Variants in SEMA5A observed in about 807,000 individuals in gnomAD.
SEMA5A encodes the protein semaphorin-5A.
SEMA5A carries 55 observed loss-of-function variants against 135.5 expected under a neutral mutation model. That is an observed-to-expected ratio of 0.41 (90% CI 0.33 to 0.51). The LOEUF is 0.51. Among genes scored for constraint, SEMA5A ranks in the 20% least tolerant of loss-of-function variants. SEMA5A has a pLI of 0.37. For missense variants in SEMA5A, 1,290 were observed against 1,419.9 expected (o/e 0.91, Z 1.47); for synonymous variants, 580 against 546.5 (o/e 1.06, Z -0.85).
At chr5:9,353,377 GGAAAGGAAA>G (rs1211217285) in intron 3 of SEMA5A, among the ~76,000 whole-genome samples, 4 of 149,108 alleles carry the variant, frequency 2.7e-5, no homozygotes, top group African/African-American at 5.0e-5. Context: ...GGAAAGGAAA[GGAAAGGAAA>G]GGAAAGGAAG....
At chr5:9,432,947 G>T (rs889888838) in intron 2 of SEMA5A, among the ~76,000 whole-genome samples, 3 of 152,090 alleles carry the variant, frequency 2.0e-5, no homozygotes, top group South Asian at 2.1e-4. Flanking sequence ...ATAGTCATAG[G>T]TTATATAAAA....
intron 3 of SEMA5A, among the ~76,000 whole-genome samples, chr5:9,347,917 G>A (rs998857656): frequency 2.0e-5 from 3 of 152,202 alleles, no homozygotes; most frequent in Non-Finnish European, 4.4e-5. Flanking sequence ...CAATTGAAAT[G>A]CACTACCTTT....
At chr5:9,469,030 A>G (rs1213106972) in intron 1 of SEMA5A, among the ~76,000 whole-genome samples, 1 of 152,004 alleles carries the variant, frequency 6.6e-6, no homozygotes, top group Non-Finnish European at 1.5e-5. Flanking sequence ...TGTTTTTGAG[A>G]TGAAGTCTCT....
At chr5:9,356,365 C>T (rs1243959057) in intron 3 of SEMA5A, among the ~76,000 whole-genome samples, 1 of 152,166 alleles carries the variant, frequency 6.6e-6, no homozygotes, top group East Asian at 1.9e-4. Context: ...TTCTGCCTGT[C>T]TGTGCCTCAG....
chr5:9,482,361 A>G (rs1759910432), intron 1 of SEMA5A, among the ~76,000 whole-genome samples: 1 of 152,234 alleles, frequency 6.6e-6, no homozygotes, highest in Non-Finnish European at 1.5e-5. Context: ...AGCAGCTTAC[A>G]GGAATGGAAC....
chr5:9,265,189 G>C (rs1355852770), intron 5 of SEMA5A, among the ~76,000 whole-genome samples: 3 of 152,094 alleles, frequency 2.0e-5, no homozygotes, highest in African/African-American at 7.2e-5. Flanking sequence ...GTAAAATTCA[G>C]CTCCACGGTC....
At chr5:9,227,553 T>TTA (rs1747381581) in intron 6 of SEMA5A, among the ~76,000 whole-genome samples, 1 of 150,204 alleles carries the variant, frequency 6.7e-6, no homozygotes, top group African/African-American at 2.4e-5. Flanking sequence ...CTATATGAAT[T>TTA]TTTTTTTTTT....
intron 1 of SEMA5A, among the ~76,000 whole-genome samples, chr5:9,450,753 C>G (rs1397925824): frequency 6.9e-6 from 1 of 145,498 alleles, no homozygotes; most frequent in Non-Finnish European, 1.5e-5. Flanking sequence ...TGATCTACCA[C>G]ATCAAAAAAA....
intron 6 of SEMA5A, among the ~76,000 whole-genome samples, chr5:9,233,465 C>A (rs1009047385): frequency 6.6e-5 from 10 of 152,012 alleles, no homozygotes; most frequent in Non-Finnish European, 1.3e-4. Context: ...TCCCCACCCC[C>A]ACTTTTTTTC....
chr5:9,239,680 G>A (rs1419878019), intron 5 of SEMA5A, among the ~76,000 whole-genome samples: 3 of 151,870 alleles, frequency 2.0e-5, no homozygotes, highest in Admixed American at 6.6e-5. Context: ...TTTCAGCAGA[G>A]TAAAACTCAT....
chr5:9,432,035 A>G (rs542356705), intron 2 of SEMA5A, among the ~76,000 whole-genome samples: 23 of 152,348 alleles, frequency 1.5e-4, no homozygotes, highest in East Asian at 9.6e-4. Flanking sequence ...AGCAGAGAAC[A>G]GAGAGAGAGG....
intron 1 of SEMA5A, among the ~76,000 whole-genome samples, chr5:9,486,004 C>T (rs899486162): frequency 6.6e-6 from 1 of 151,904 alleles, no homozygotes; most frequent in South Asian, 2.1e-4. Context: ...AAATATAAAA[C>T]TCCTTGGGGA....
At chr5:9,131,486 T>A (rs1741412818) in intron 13 of SEMA5A, among the ~76,000 whole-genome samples, 1 of 151,636 alleles carries the variant, frequency 6.6e-6, no homozygotes, top group Non-Finnish European at 1.5e-5. Flanking sequence ...TGGGCACCTG[T>A]AGTCCCAGAT....
intron 6 of SEMA5A, among the ~76,000 whole-genome samples, chr5:9,231,689 A>G (rs963361349): frequency 3.9e-5 from 6 of 152,192 alleles, no homozygotes; most frequent in African/African-American, 1.4e-4. Flanking sequence ...GTCACAATGT[A>G]GAAGTCCCTT....
At chr5:9,050,265 C>T in intron 21 of SEMA5A, 145 bp downstream of exon 21, 1 of 703,594 alleles carries the variant, frequency 1.4e-6, no homozygotes, top group Non-Finnish European at 2.3e-6. Flanking sequence ...GCCTTTATGC[C>T]AAGGTAGAAT....
At chr5:9,062,116 T>C (rs1187374629) in intron 18 of SEMA5A, among the ~76,000 whole-genome samples, 1 of 152,094 alleles carries the variant, frequency 6.6e-6, no homozygotes, top group Non-Finnish European at 1.5e-5. Flanking sequence ...TTCGAGTAGC[T>C]CATAGGAAAG....
rs147338220 is a variant in SEMA5A, at chr5:9,510,881, T to G, written c.-175+34703A>C. On this transcript the variant is annotated intron_variant, in intron 1 of 22. Coordinates refer to ENST00000382496, the MANE Select transcript of SEMA5A (RefSeq NM_003966.3). ...TGAGTTAAACAAGTTTGGAGCATAT[T>G]TTTGGTGACAACTATTGGACATACG... Among the ~76,000 whole-genome samples the G allele has an allele frequency of 2.3e-3, 348 of 152,330 alleles. 3 individuals are homozygous for G. Among genetic ancestry groups the G allele is most frequent in the East Asian group, 4.2e-3 (22 of 5,192 alleles).
At chr5:9,503,905 T>C (rs1015130203) in intron 1 of SEMA5A, among the ~76,000 whole-genome samples, 1 of 152,142 alleles carries the variant, frequency 6.6e-6, no homozygotes, top group Non-Finnish European at 1.5e-5. Context: ...CATTCACCAT[T>C]CCCTCTAATT....
At chr5:9,414,557 C>A (rs1012969561) in intron 2 of SEMA5A, among the ~76,000 whole-genome samples, 16 of 152,164 alleles carry the variant, frequency 1.1e-4, no homozygotes, top group Non-Finnish European at 2.1e-4. Flanking sequence ...CTGCTTTCTA[C>A]CAGTCATAAT....
Sources: gnomAD v4.1 joint callset for allele counts (sites outside exome capture counted in the v4.1 genomes callset) on GRCh38, gnomAD v4.1.1 for gene constraint, MANE v1.5 for transcripts, NCBI Gene and HGNC (gene_info 2026-07-23, HGNC 2026-07-21) for gene names.